ARHGEF1: variants seen among roughly 807,000 people sequenced by gnomAD.
ARHGEF1 encodes Rho guanine nucleotide exchange factor 1, also known as 115 kDa guanine nucleotide exchange factor.
In ARHGEF1, 40 loss-of-function variants were observed where a neutral mutation model predicts 119.7. The observed-to-expected ratio is 0.33, with a 90% CI of 0.26 to 0.44. The LOEUF is 0.44. ARHGEF1 is among the 20% of genes least tolerant of loss of function. ARHGEF1 has a pLI of 1.00. For missense variants in ARHGEF1, 976 were observed against 1,268.3 expected (o/e 0.77, Z 3.50); for synonymous variants, 494 against 521.0 (o/e 0.95, Z 0.71).
chr19:41,928,900 A>C (rs1286408084), exon 2 of ARHGEF1: 3 of 456,300 alleles, frequency 6.6e-6, no homozygotes, highest in Non-Finnish European at 1.3e-5. Context: ...CCTGCTGGAC[A>C]CGCAAGCCTG....
Position 41,906,362 on chromosome 19 carries a change from C to A in ARHGEF1, c.2492-95C>A. 1 of 1,308,628 alleles carries A rather than the reference C, an allele frequency of 7.6e-7. No homozygotes were observed. Among genetic ancestry groups the A allele is most frequent in the South Asian group, 1.5e-5 (1 of 66,006 alleles). 81.1% of individuals were successfully genotyped at this position (1,308,628 alleles called of 1,614,324 possible). ...AGCCTTGCCTGGCACCCACCTTCAC[C>A]TCCAGCCCCTACACATCCCCTTTGG... On this transcript the variant is annotated intron_variant, in intron 26 of 28. Transcript: ENST00000354532. This position sits in a 1 kb window ranked among gnomAD's most constrained non-coding sequence, Gnocchi z 4.5.
rs371228383 is a variant in ARHGEF1, at chr19:41,889,102, C to T, written c.225+237C>T. On this transcript the variant is annotated intron_variant, in intron 4 of 28. Transcript: ENST00000354532. The surrounding 1 kb of genome is among the most constrained non-coding windows in gnomAD (Gnocchi z 4.0). ...CAGTGCGCAGCGGGCAGGGTACACACGTCAGGACCCCGCGGAGCCACAGAG... is the reference window on the plus strand; with the variant it reads ...CAGTGCGCAGCGGGCAGGGTACACATGTCAGGACCCCGCGGAGCCACAGAG... 2.0e-5 allele frequency: 9 copies of T among 460,302 alleles called. No homozygotes were observed. The highest frequency in any genetic ancestry group is 3.9e-5 in the African/African-American group (2 of 51,354). 28.5% of individuals were successfully genotyped at this position (460,302 alleles called of 1,614,324 possible).
chr19:41,895,225 G>A (rs1183936711), intron 11 of ARHGEF1, 124 bp from the exon 12 acceptor site: 3 of 1,308,068 alleles, frequency 2.3e-6, no homozygotes. Flanking sequence ...CTGGGTCTGA[G>A]GGAGGAAGGG....
In ARHGEF1 at chr19:41,888,237, A is replaced by T. The variant is rs1555845583; in HGVS notation, c.70A>T (p.Ile24Phe). 6.2e-7 allele frequency: 1 copy of T among 1,613,984 alleles called. No homozygotes were observed. The highest frequency in any genetic ancestry group is 1.7e-5 in the Admixed American group (1 of 60,012). The stretch of plus-strand genomic sequence containing the variant: ...GCCTGGCCTGGTTCCCGTCAGCATC[A>T]TCGGGGCTGAGGATGAGGATTTTGA... ...SRPGLVPVSI[I>F]GAEDEDFENE... Residue 24 changes from isoleucine to phenylalanine, a missense_variant, in exon 3 of 29, where the codon ATC becomes TTC. By Grantham distance (21) the Ile-to-Phe change is conservative. This residue lies in a region of ARHGEF1 where 519 missense variants were observed against 580.9 expected (regional missense o/e 0.89). Coordinates refer to ENST00000354532, the MANE Select transcript of ARHGEF1 (RefSeq NM_004706.4). This position sits in a 1 kb window ranked among gnomAD's most constrained non-coding sequence, Gnocchi z 5.1.
At chr19:41,920,408 TCA>T (rs781837307), upstream of ARHGEF1, among the ~76,000 whole-genome samples, 10 of 124,702 alleles carry the variant, frequency 8.0e-5, no homozygotes, top group Non-Finnish European at 1.5e-4. Flanking sequence ...TGTGACACAC[TCA>T]CAGACATGAC....
rs146952424 is a variant in ARHGEF1 at position 41,906,159 on chromosome 19, C to A, written c.2491+134C>A. 226 of 846,646 alleles carry A rather than the reference C, an allele frequency of 2.7e-4. No homozygotes were observed. The African/African-American group carries it at 3.2e-3, about 12-fold the overall frequency. The allele number at this position is 846,646 out of a possible 1,614,324, so 52.4% of individuals were successfully genotyped here. On this transcript the variant is annotated intron_variant, in intron 26 of 28. Transcript: ENST00000354532. This position sits in a 1 kb window ranked among gnomAD's most constrained non-coding sequence, Gnocchi z 4.5. ...AAACAAATGCTCCAAACCCACCCAG[C>A]CTGCACCACTGTCCTGGGTGCCCAC... is the stretch of plus-strand genomic sequence containing the variant.
chr19:41,901,614 T>G (rs1288551291), intron 14 of ARHGEF1, among the ~76,000 whole-genome samples: 1 of 151,978 alleles, frequency 6.6e-6, no homozygotes, highest in Non-Finnish European at 1.5e-5. Flanking sequence ...GGCTAATTTT[T>G]TTTCTTTTTT....
In ARHGEF1 at chr19:41,906,063, C is replaced by T; in HGVS notation, c.2491+38C>T. The T allele has an allele frequency of 6.4e-7, 1 of 1,564,982 alleles. No homozygotes were observed. Among genetic ancestry groups the T allele is most frequent in the Non-Finnish European group, 8.8e-7 (1 of 1,137,152 alleles). On this transcript the variant is annotated intron_variant, in intron 26 of 28. Transcript: ENST00000354532. This position sits in a 1 kb window ranked among gnomAD's most constrained non-coding sequence, Gnocchi z 4.5. ...TGCCCCTCCAGGGTGGCCACCAGCC[C>T]AAACAGTGCCTCTGTTCCAACTAGA...
In ARHGEF1 at chr19:41,895,379, G is replaced by A; in HGVS notation, c.908G>A (p.Gly303Glu). The part of the protein sequence containing the change: ...AEKPGATDRK[G>E]GVGMPSRDRN... ...AAGCCAGGTGCTACAGACCGGAAGG[G>A]AGGCGTGGGGATGCCCTCTCGGGAC... is the stretch of plus-strand genomic sequence containing the variant. Residue 303 changes from glycine to glutamate, a missense_variant, in exon 12 of 29, where the codon GGA (glycine) becomes GAA (glutamate). By Grantham distance (98) the Gly-to-Glu change is moderately conservative. Around this residue, in one of 3 missense-constraint regions of ARHGEF1, gnomAD observed 519 missense variants for 580.9 expected, o/e 0.89. Transcript: ENST00000354532. 4 of 1,612,492 alleles carry A rather than the reference G, an allele frequency of 2.5e-6. No individual in the cohort carries two copies. The highest frequency in any genetic ancestry group is 2.5e-6 in the Non-Finnish European group (3 of 1,179,436).
chr19:41,896,642 T>A (rs1555847708), intron 13 of ARHGEF1, 160 bp downstream of exon 13: 1 of 714,518 alleles, frequency 1.4e-6, no homozygotes, highest in Admixed American at 2.0e-5. Context: ...CCTTCTTCTT[T>A]CCTTTTCTCA....
At chr19:41,929,733 T>C (rs782696184) in exon 3 of ARHGEF1, 1 of 152,760 alleles carries the variant, frequency 6.5e-6, no homozygotes, top group African/African-American at 2.4e-5. Context: ...CCTGGAGGCT[T>C]CTACCCCTAG....
At chr19:41,907,596 C>T (rs1013514458), downstream of ARHGEF1, 7 of 605,744 alleles carry the variant, frequency 1.2e-5, no homozygotes, top group Middle Eastern at 4.4e-4. Flanking sequence ...TTGTTTGAAC[C>T]GTTACTCCCC....
Position 41,916,710 on chromosome 19 carries a change from C to T in ARHGEF1, c.1866-6382C>T, listed in dbSNP as rs782687102. Reference sequence around the variant, plus strand: ...GAGCGCATACATATGCACTTGGTCACGCATGGAGCCGTAGAGATACACACA... The same window carrying T: ...GAGCGCATACATATGCACTTGGTCATGCATGGAGCCGTAGAGATACACACA... On this transcript the variant is annotated intron_variant, in intron 18 of 20. Transcript: ENST00000599589. The surrounding 1 kb of genome is among the most constrained non-coding windows in gnomAD (Gnocchi z 5.4). Among the ~76,000 whole-genome samples, 2 of 151,976 alleles carry T rather than the reference C, an allele frequency of 1.3e-5. No individual in the cohort carries two copies. Among genetic ancestry groups the T allele is most frequent in the Non-Finnish European group, 2.9e-5 (2 of 67,996 alleles).
At chr19:41,896,242 T>C (rs2074483125) in intron 12 of ARHGEF1, 135 bp from the exon 13 acceptor site, 3 of 459,432 alleles carry the variant, frequency 6.5e-6, no homozygotes, top group Non-Finnish European at 1.2e-5. Flanking sequence ...GTCCGTCCCG[T>C]GCTGAAGTAC....
chr19:41,923,628 G>A (rs1423824925), intron 1 of ARHGEF1, among the ~76,000 whole-genome samples: 2 of 114,910 alleles, frequency 1.7e-5, no homozygotes, highest in African/African-American at 7.1e-5. Flanking sequence ...AGGGTGGGTG[G>A]AAAGGAAAGG....
chr19:41,898,402 A>G (rs1555848347), intron 13 of ARHGEF1, 40 bp from the exon 14 acceptor site: 2 of 1,548,914 alleles, frequency 1.3e-6, no homozygotes, highest in African/African-American at 2.7e-5. Context: ...GCTTCTTGGG[A>G]TGGCCCAAGC....
At position 41,888,319 on chromosome 19, in the gene ARHGEF1, A is replaced by T; in HGVS notation, c.111+41A>T. Reference sequence around the variant, plus strand: ...GGTGGAAAAGCTCTGTCCCAGGCTCAGTGTCCCGCCCCAGGTCCCCTCCCA... The same window carrying T: ...GGTGGAAAAGCTCTGTCCCAGGCTCTGTGTCCCGCCCCAGGTCCCCTCCCA... On this transcript the variant is annotated intron_variant, in intron 3 of 28. Transcript: ENST00000354532. The surrounding 1 kb of genome is among the most constrained non-coding windows in gnomAD (Gnocchi z 5.1). 1.3e-6 allele frequency: 2 copies of T among 1,597,828 alleles called. No individual in the cohort carries two copies. The highest frequency in any genetic ancestry group is 1.7e-6 in the Non-Finnish European group (2 of 1,169,046).
rs1345603531 is a variant in ARHGEF1, at chr19:41,896,464, A to T, written c.1103A>T (p.Glu368Val). 3.4e-6 allele frequency: 5 copies of T among 1,478,236 alleles called. No individual in the cohort carries two copies. Among genetic ancestry groups the T allele is most frequent in the Non-Finnish European group, 9.0e-7 (1 of 1,112,902 alleles). 91.6% of individuals were successfully genotyped at this position (1,478,236 alleles called of 1,614,324 possible). The change falls in exon 13 of 29, where the codon GAG (glutamate) becomes GTG (valine). Residue 368 changes from glutamate (E) to valine (V), a missense_variant. By Grantham distance (121) the Glu-to-Val change is moderately radical. Around this residue, in one of 3 missense-constraint regions of ARHGEF1, gnomAD observed 519 missense variants for 580.9 expected, o/e 0.89. Transcript: ENST00000354532. ...ESLAPPESTD[E>V]GAETESPEPG... ...TTGGCGCCCCCAGAGAGTACCGACG[A>T]GGGGGCCGAAACCGAGAGGTGCCCA... is the stretch of plus-strand genomic sequence containing the variant.
chr19:41,898,474 G>A lies in ARHGEF1; in HGVS notation c.1154G>A (p.Arg385Gln), dbSNP rs202008400. Residue 385 changes from arginine (R) to glutamine (Q), a missense_variant, in exon 14 of 29, where the codon CGG (arginine) becomes CAG (glutamine). Physicochemically the swap from Arg to Gln is conservative, Grantham distance 43. Around this residue, in one of 3 missense-constraint regions of ARHGEF1, gnomAD observed 519 missense variants for 580.9 expected, o/e 0.89. Transcript: ENST00000354532. ...CCTGGAGATGAGGGGGAGCCGGGGC[G>A]GTCGGGACTGGAGCTTGAACCAGAA... The part of the protein sequence containing the change: ...PEPGDEGEPG[R>Q]SGLELEPEEP... 93 of 1,549,238 alleles carry A rather than the reference G, an allele frequency of 6.0e-5. 2 individuals are homozygous for A. The Middle Eastern group carries it at 6.7e-4, about 11-fold the overall frequency.
Sources: allele counts gnomAD v4.1 joint callset (sites outside exome capture counted in the v4.1 genomes callset), GRCh38; gene constraint gnomAD v4.1.1; regional missense constraint gnomAD v4.1.1; non-coding constraint Gnocchi (gnomAD v3.1); transcripts MANE v1.5; gene names NCBI Gene and HGNC (gene_info 2026-07-23, HGNC 2026-07-21).